The following SNTG1 variants were observed in gnomAD, a reference collection of about 807,000 sequenced individuals.
SNTG1 encodes the protein gamma-1-syntrophin.
SNTG1 carries 39 observed loss-of-function variants against 74.7 expected under a neutral mutation model. The observed-to-expected ratio is 0.52, with a 90% confidence interval of 0.40 to 0.68. The LOEUF is 0.68. Ranked by LOEUF, SNTG1 falls within the 30% of genes least tolerant of loss-of-function variation. The probability of loss-of-function intolerance (pLI) is 0.00; values close to 1 mark genes in which losing one functional copy is unlikely to be tolerated. For missense variants in SNTG1, 685 were observed against 609.5 expected, an observed-to-expected ratio of 1.12 and a Z score of -1.30; for synonymous variants, 254 against 217.1, an observed-to-expected ratio of 1.17 and a Z score of -1.49.
chr8:50,365,508 GA>G, intron 2 of SNTG1, among the ~76,000 whole-genome samples: 1 of 152,086 alleles, frequency 6.6e-6, no homozygotes, highest in South Asian at 2.1e-4. Flanking sequence ...CAAATAATAA[GA>G]AAATTTCTGA....
intron 2 of SNTG1, among the ~76,000 whole-genome samples, chr8:50,215,134 C>G (rs2084718033): frequency 6.6e-6 from 1 of 152,076 alleles, no homozygotes; most frequent in Non-Finnish European, 1.5e-5. Context: ...TCCTGGGGCC[C>G]TGTCTCCTAG....
chr8:50,599,809 C>G (rs116432800), intron 13 of SNTG1, among the ~76,000 whole-genome samples: 6,861 of 152,094 alleles, frequency 0.045, 273 homozygotes, highest in African/African-American at 0.1. Context: ...TCTTTCTCTT[C>G]TTTGATTGCT....
Position 50,286,315 on chromosome 8 carries a change from G to T in SNTG1, c.-27-107897G>T, listed in dbSNP as rs541558826. ...TACTGCTGTTTGTTTCAACCTATGTGGGGGCTGTATCTGTCCCAATGTGAC... is the reference window on the plus strand; with the variant it reads ...TACTGCTGTTTGTTTCAACCTATGTTGGGGCTGTATCTGTCCCAATGTGAC... On this transcript the variant is annotated intron_variant, in intron 2 of 18. Coordinates refer to ENST00000642720, the MANE Select transcript of SNTG1 (RefSeq NM_018967.5). Among the ~76,000 whole-genome samples the T allele has an allele frequency of 7.9e-5, 12 of 152,224 alleles. No homozygotes were observed. In the South Asian group the frequency reaches 2.5e-3, roughly 32 times the overall value.
intron 1 of SNTG1, among the ~76,000 whole-genome samples, chr8:50,132,367 G>T (rs1027880109): frequency 6.6e-6 from 1 of 151,920 alleles, no homozygotes; most frequent in Non-Finnish European, 1.5e-5. Flanking sequence ...TTATTTATGG[G>T]TGAGATTCAG....
Position 50,575,996 on chromosome 8 carries a change from T to C in SNTG1, c.811-14883T>C, listed in dbSNP as rs868824111. 3.3e-5 allele frequency among the ~76,000 whole-genome samples: 5 copies of C among 152,316 alleles called. No individual in the cohort carries two copies. The South Asian group carries it at 6.2e-4, about 19-fold the overall frequency. ...GTGGGCTCAAAATTAGTAGATTTTCTTAAATTTGTAGATTAATGGCTTTAT... is the reference window on the plus strand; with the variant it reads ...GTGGGCTCAAAATTAGTAGATTTTCCTAAATTTGTAGATTAATGGCTTTAT... On this transcript the variant is annotated intron_variant, in intron 12 of 18. Transcript: ENST00000642720.
intron 2 of SNTG1, among the ~76,000 whole-genome samples, chr8:50,179,026 A>G (rs1046787924): frequency 6.6e-6 from 1 of 152,288 alleles, no homozygotes; most frequent in Middle Eastern, 3.4e-3. Context: ...GTGTTGTATA[A>G]GAGTCCAGTT....
chr8:50,190,750 A>G (rs1245651409), intron 2 of SNTG1, among the ~76,000 whole-genome samples: 1 of 152,184 alleles, frequency 6.6e-6, no homozygotes, highest in East Asian at 1.9e-4. Flanking sequence ...ACAAACAGCA[A>G]GATCCTCCGC....
At chr8:50,610,116 TTG>T (rs1166179210) in intron 13 of SNTG1, among the ~76,000 whole-genome samples, 5 of 152,204 alleles carry the variant, frequency 3.3e-5, no homozygotes, top group African/African-American at 1.2e-4. Flanking sequence ...AAATTTTTAA[TTG>T]TGTCTTATTG....
At chr8:50,358,540 G>A (rs2091878950) in intron 2 of SNTG1, among the ~76,000 whole-genome samples, 1 of 152,188 alleles carries the variant, frequency 6.6e-6, no homozygotes, top group Non-Finnish European at 1.5e-5. Context: ...TTTCAGATAA[G>A]TTTGCAATGG....
At chr8:50,349,452 A>T (rs2091580669) in intron 2 of SNTG1, among the ~76,000 whole-genome samples, 1 of 152,068 alleles carries the variant, frequency 6.6e-6, no homozygotes, top group Admixed American at 6.5e-5. Flanking sequence ...CATGATCTAT[A>T]TATTTTCTAT....
intron 8 of SNTG1, among the ~76,000 whole-genome samples, chr8:50,458,782 T>C (rs1304569908): frequency 4.0e-5 from 6 of 151,838 alleles, no homozygotes; most frequent in Non-Finnish European, 1.5e-5. Flanking sequence ...GTTCACTTCT[T>C]ACTGATTTCT....
intron 1 of SNTG1, among the ~76,000 whole-genome samples, chr8:50,156,506 T>A (rs559600957): frequency 6.6e-6 from 1 of 152,178 alleles, no homozygotes; most frequent in East Asian, 1.9e-4. Context: ...CACTGATCAA[T>A]ATATGGCTGA....
chr8:50,187,465 C>T (rs181839081), intron 2 of SNTG1, among the ~76,000 whole-genome samples: 6 of 152,176 alleles, frequency 3.9e-5, no homozygotes, highest in Non-Finnish European at 5.9e-5. Flanking sequence ...ACTAGCCATA[C>T]GCAGAAAGCT....
intron 2 of SNTG1, among the ~76,000 whole-genome samples, chr8:50,318,355 G>A (rs1563889674): frequency 6.6e-6 from 1 of 152,162 alleles, no homozygotes; most frequent in Non-Finnish European, 1.5e-5. Context: ...AAAAGCATCG[G>A]TATTTCTTTA....
At chr8:50,410,851 C>T (rs551580812) in intron 4 of SNTG1, among the ~76,000 whole-genome samples, 3 of 152,060 alleles carry the variant, frequency 2.0e-5, no homozygotes, top group Non-Finnish European at 2.9e-5. Flanking sequence ...CCCTTCTTTC[C>T]TCTGGCTGCA....
chr8:50,234,631 A>G (rs1273106550), intron 2 of SNTG1, among the ~76,000 whole-genome samples: 1 of 151,972 alleles, frequency 6.6e-6, no homozygotes, highest in Non-Finnish European at 1.5e-5. Context: ...TGTCTTTAAA[A>G]CTCCCTGTGA....
intron 15 of SNTG1, among the ~76,000 whole-genome samples, chr8:50,687,744 A>G (rs1258164769): frequency 6.6e-6 from 1 of 151,478 alleles, no homozygotes; most frequent in African/African-American, 2.4e-5. Context: ...ACAACAGTCC[A>G]TGGTGTGTGA....
chr8:50,090,591 G>A (rs1156232899), intron 1 of SNTG1, among the ~76,000 whole-genome samples: 1 of 152,122 alleles, frequency 6.6e-6, no homozygotes, highest in Non-Finnish European at 1.5e-5. Flanking sequence ...AGCTTGGCCG[G>A]GTGAAGACAA....
chr8:50,366,049 C>A (rs1449820870), intron 2 of SNTG1, among the ~76,000 whole-genome samples: 1 of 152,118 alleles, frequency 6.6e-6, no homozygotes, highest in Non-Finnish European at 1.5e-5. Flanking sequence ...CAATTTATCA[C>A]CTGAGTATTT....
Sources: allele counts gnomAD v4.1 joint callset (sites outside exome capture counted in the v4.1 genomes callset), GRCh38; gene constraint gnomAD v4.1.1; transcripts MANE v1.5; gene names NCBI Gene and HGNC (gene_info 2026-07-23, HGNC 2026-07-21).